Variants in SIL1 observed in about 807,000 individuals in gnomAD.
The protein encoded by SIL1 is nucleotide exchange factor SIL1.
Under a neutral mutation model 49.1 loss-of-function variants are expected in SIL1, and 40 were observed. The ratio of observed to expected loss-of-function variants is 0.81; its 90% CI spans 0.63 to 1.06. SIL1 has a LOEUF of 1.06. Ranked by LOEUF, SIL1 falls within the 50% of genes least tolerant of loss-of-function variation. SIL1 has a pLI of 0.00. For missense variants in SIL1, 500 were observed against 572.6 expected, an observed-to-expected ratio of 0.87 and a Z score of 1.29; for synonymous variants, 253 against 250.8, an observed-to-expected ratio of 1.01 and a Z score of -0.08.
intron 7 of SIL1, among the ~76,000 whole-genome samples, chr5:138,952,103 A>C (rs557901528): frequency 6.6e-6 from 1 of 152,328 alleles, no homozygotes; most frequent in African/African-American, 2.4e-5. Context: ...GAGTGCTCCC[A>C]TGCCAGCCCC....
intron 3 of SIL1, among the ~76,000 whole-genome samples, chr5:139,098,385 T>C (rs1432822464): frequency 1.3e-5 from 2 of 152,102 alleles, no homozygotes; most frequent in Non-Finnish European, 2.9e-5. Flanking sequence ...AAACTGGATA[T>C]CCATATGCAG....
chr5:139,051,821 C>A (rs149294923), intron 3 of SIL1, among the ~76,000 whole-genome samples: 4 of 152,150 alleles, frequency 2.6e-5, no homozygotes, highest in Admixed American at 2.6e-4. Flanking sequence ...ATGCACTGCA[C>A]AAAACTACTC....
chr5:138,975,334 T>C (rs189027930), intron 7 of SIL1, among the ~76,000 whole-genome samples: 4 of 152,246 alleles, frequency 2.6e-5, no homozygotes, highest in Non-Finnish European at 4.4e-5. Context: ...GTCCTCCCCC[T>C]GACACGCCAC....
chr5:139,010,535 C>T (rs1158682634), intron 7 of SIL1, among the ~76,000 whole-genome samples: 1,936 of 152,200 alleles, frequency 0.013, 34 homozygotes, highest in African/African-American at 0.043. Flanking sequence ...GGAGGAGAGG[C>T]GCTCTGATTT....
rs1400521788 is a variant in SIL1 at position 138,957,595 on chromosome 5, C to CA, written c.768-5712dup. The stretch of plus-strand genomic sequence containing the variant: ...AAAAAATTATAGAAAAGTAATTACA[C>CA]AAAAAAATGACTTACTGGAAAGCTG... On this transcript the variant is annotated intron_variant, in intron 7 of 9. Coordinates refer to ENST00000394817, the MANE Select transcript of SIL1 (RefSeq NM_022464.5). Among the ~76,000 whole-genome samples the CA allele has an allele frequency of 2.6e-5, 4 of 151,728 alleles. No homozygotes were observed. In the East Asian group the frequency reaches 5.8e-4, roughly 22 times the overall value.
At chr5:139,012,689 C>T (rs1462246369) in intron 7 of SIL1, 1 of 152,078 alleles carries the variant, frequency 6.6e-6, no homozygotes, top group African/African-American at 2.4e-5. Context: ...TCGTAGAGCT[C>T]CAGCATGGGG....
At chr5:138,956,736 C>T (rs906547877) in intron 7 of SIL1, among the ~76,000 whole-genome samples, 2 of 139,216 alleles carry the variant, frequency 1.4e-5, no homozygotes, top group African/African-American at 6.1e-5. Flanking sequence ...GAGCAAGACT[C>T]TATCTTAAAA....
At chr5:139,112,031 GAGA>G (rs1770859007) in intron 3 of SIL1, among the ~76,000 whole-genome samples, 1 of 152,226 alleles carries the variant, frequency 6.6e-6, no homozygotes, top group African/African-American at 2.4e-5. Flanking sequence ...TTTTTTGCTG[GAGA>G]CGGGGTTTCG....
chr5:139,122,770 T>C (rs1050188465), intron 2 of SIL1, among the ~76,000 whole-genome samples: 6 of 152,200 alleles, frequency 3.9e-5, no homozygotes, highest in Non-Finnish European at 5.9e-5. Flanking sequence ...GAAATTTAGA[T>C]GGCAGAATTT....
chr5:139,010,569 C>G (rs1158958602), intron 7 of SIL1, among the ~76,000 whole-genome samples: 6 of 151,580 alleles, frequency 4.0e-5, no homozygotes, highest in Non-Finnish European at 7.4e-5. Context: ...TTTTTCTGTT[C>G]TGTTTTTTCC....
chr5:139,184,190 C>G (rs1752039231), intron 1 of SIL1, among the ~76,000 whole-genome samples: 2 of 152,210 alleles, frequency 1.3e-5, no homozygotes, highest in Admixed American at 1.3e-4. Context: ...CCTGCCCTAA[C>G]TGCAATGGTC....
intron 3 of SIL1, among the ~76,000 whole-genome samples, chr5:139,087,716 A>G (rs1266112959): frequency 6.6e-6 from 1 of 152,134 alleles, no homozygotes; most frequent in Admixed American, 6.5e-5. Flanking sequence ...AGGTTATGAG[A>G]GGAAAATGTC....
intron 3 of SIL1, among the ~76,000 whole-genome samples, chr5:139,062,201 CTTAATG>C (rs1249523619): frequency 2.0e-5 from 3 of 152,100 alleles, no homozygotes; most frequent in Non-Finnish European, 4.4e-5. Flanking sequence ...TGAAACAACA[CTTAATG>C]TTATTGTGTT....
At chr5:138,953,806 C>T (rs1042269879) in intron 7 of SIL1, among the ~76,000 whole-genome samples, 8 of 152,354 alleles carry the variant, frequency 5.3e-5, no homozygotes, top group Non-Finnish European at 7.3e-5. Flanking sequence ...GAAGAGAAGA[C>T]GACCACGCTG....
chr5:138,951,815 C>A lies in SIL1; in HGVS notation c.837G>T (p.Thr279=). The A allele has an allele frequency of 6.2e-7, 1 of 1,614,070 alleles. No individual in the cohort carries two copies. Among genetic ancestry groups the A allele is most frequent in the Non-Finnish European group, 8.5e-7 (1 of 1,180,022 alleles). Residue 279 remains threonine (T), a synonymous_variant, in exon 8 of 10, where the codon ACG becomes ACT. Coordinates refer to ENST00000394817, the MANE Select transcript of SIL1 (RefSeq NM_022464.5). ...TCTTCTTTGCAGTGAGCGGCTGCTC[C>A]GTGGCCAGGATGACCAGCAGCTTCT... The part of the protein sequence containing the change: ...ALQKLLVILA[T]EQPLTAKKKV...
chr5:138,969,714 G>A (rs1323336952), intron 7 of SIL1, among the ~76,000 whole-genome samples: 2 of 152,210 alleles, frequency 1.3e-5, no homozygotes, highest in African/African-American at 4.8e-5. Flanking sequence ...TGCATGAACC[G>A]CAGTGGCATA....
intron 4 of SIL1, among the ~76,000 whole-genome samples, chr5:139,045,758 C>G (rs1769145713): frequency 6.6e-6 from 1 of 152,188 alleles, no homozygotes; most frequent in Admixed American, 6.5e-5. Context: ...CCAACAACCA[C>G]CCAGTTGCTC....
At chr5:138,972,231 T>C (rs763931290) in intron 7 of SIL1, among the ~76,000 whole-genome samples, 4 of 152,222 alleles carry the variant, frequency 2.6e-5, no homozygotes, top group Non-Finnish European at 5.9e-5. Flanking sequence ...CCGAAAGCAG[T>C]GGTGCTAGCC....
intron 3 of SIL1, among the ~76,000 whole-genome samples, chr5:139,055,351 C>A (rs982127449): frequency 9.2e-5 from 14 of 152,116 alleles, no homozygotes; most frequent in African/African-American, 3.4e-4. Context: ...GGGGGATAAT[C>A]TATGGTAGAC....
Sources: gnomAD v4.1 joint callset for allele counts (sites outside exome capture counted in the v4.1 genomes callset) on GRCh38, gnomAD v4.1.1 for gene constraint, MANE v1.5 for transcripts, NCBI Gene and HGNC (gene_info 2026-07-23, HGNC 2026-07-21) for gene names.